NFIB: variants seen among roughly 807,000 people sequenced by gnomAD.
The protein encoded by NFIB is nuclear factor I B.
In NFIB, 11 loss-of-function variants were observed where a neutral mutation model predicts 61.5. That is an observed-to-expected ratio of 0.18 (90% CI 0.11 to 0.30). NFIB has a LOEUF of 0.30. Among genes scored for constraint, NFIB ranks in the 10% least tolerant of loss-of-function variants. NFIB has a pLI of 1.00. For synonymous variants in NFIB, 260 were observed against 216.5 expected, an observed-to-expected ratio of 1.20 and a Z score of -1.76; for missense variants, 471 against 608.9, an observed-to-expected ratio of 0.77 and a Z score of 2.38.
the NFIB span, among the ~76,000 whole-genome samples, chr9:14,410,823 A>T: frequency 6.6e-6 from 1 of 152,200 alleles, no homozygotes; most frequent in East Asian, 1.9e-4. Flanking sequence ...CAGACCACAA[A>T]TGCACACAGA....
intron 7 of NFIB, among the ~76,000 whole-genome samples, chr9:14,125,113 TA>T (rs1237507674): frequency 1.3e-5 from 2 of 151,852 alleles, no homozygotes; most frequent in African/African-American, 4.9e-5. Flanking sequence ...AAGGTAATTT[TA>T]AAACACATAT....
At chr9:14,248,108 T>A (rs1382234496) in intron 2 of NFIB, among the ~76,000 whole-genome samples, 2 of 151,512 alleles carry the variant, frequency 1.3e-5, no homozygotes, top group Non-Finnish European at 2.9e-5. Flanking sequence ...AACTTTTGAA[T>A]TTTTTTGTAG....
At chr9:14,398,907 G>T (rs945994581) in exon 1 of NFIB, 1 of 343,466 alleles carries the variant, frequency 2.9e-6, no homozygotes, top group South Asian at 5.9e-5. Context: ...CTTTTAGATC[G>T]GTGTCAGCTC....
chr9:14,100,099 A>C (rs1335269060), intron 10 of NFIB, among the ~76,000 whole-genome samples: 4 of 152,076 alleles, frequency 2.6e-5, no homozygotes, highest in African/African-American at 9.7e-5. Flanking sequence ...AACAAAAAAA[A>C]CCAAGATACC....
At chr9:14,239,098 G>C (rs1178069883) in intron 2 of NFIB, among the ~76,000 whole-genome samples, 1 of 152,170 alleles carries the variant, frequency 6.6e-6, no homozygotes, top group East Asian at 1.9e-4. Context: ...CCATTACATA[G>C]GGATTCTAAG....
chr9:14,098,647 C>T (rs1190638931), intron 10 of NFIB, among the ~76,000 whole-genome samples: 6 of 152,168 alleles, frequency 3.9e-5, no homozygotes, highest in African/African-American at 1.4e-4. Flanking sequence ...CAGTTCATCA[C>T]CTATCATCCT....
At chr9:14,204,619 A>G in intron 2 of NFIB, 1 of 744,286 alleles carries the variant, frequency 1.3e-6, no homozygotes, top group Non-Finnish European at 2.3e-6. Context: ...AAGCGCCGGC[A>G]AAGGGGACCT....
At chr9:14,502,949 C>A in the NFIB span, among the ~76,000 whole-genome samples, 1 of 151,948 alleles carries the variant, frequency 6.6e-6, no homozygotes, top group South Asian at 2.1e-4. Flanking sequence ...AGCTTAGCTC[C>A]CACTTATGAG....
intron 7 of NFIB, among the ~76,000 whole-genome samples, chr9:14,124,577 G>A (rs553353961): frequency 6.6e-6 from 1 of 152,242 alleles, no homozygotes; most frequent in East Asian, 1.9e-4. Context: ...AGAAGGATGA[G>A]GAAGTGCCTA....
chr9:14,252,749 C>A (rs1003473257), intron 2 of NFIB, among the ~76,000 whole-genome samples: 4 of 152,108 alleles, frequency 2.6e-5, no homozygotes, highest in Non-Finnish European at 5.9e-5. Flanking sequence ...GTCTTAAGAT[C>A]TACTGATGCA....
intron 4 of NFIB, among the ~76,000 whole-genome samples, chr9:14,154,679 T>C: frequency 6.6e-6 from 1 of 152,164 alleles, no homozygotes; most frequent in Non-Finnish European, 1.5e-5. Flanking sequence ...TGGGCATACA[T>C]TTATCCACTC....
chr9:14,476,381 A>G, the NFIB span, among the ~76,000 whole-genome samples: 10 of 152,042 alleles, frequency 6.6e-5, no homozygotes. Flanking sequence ...ATGATGCCCA[A>G]CTGAAGCATC....
chr9:14,221,446 CATT>C (rs1309304593), intron 2 of NFIB, among the ~76,000 whole-genome samples: 1 of 152,140 alleles, frequency 6.6e-6, no homozygotes, highest in Non-Finnish European at 1.5e-5. Flanking sequence ...TTTATATGTG[CATT>C]ATTATTAGCT....
intron 2 of NFIB, among the ~76,000 whole-genome samples, chr9:14,279,063 C>G (rs1350794660): frequency 3.3e-5 from 5 of 151,998 alleles, no homozygotes; most frequent in South Asian, 2.1e-4. Context: ...CATACACACA[C>G]AGAGAGAGAG....
intron 7 of NFIB, among the ~76,000 whole-genome samples, chr9:14,124,105 C>T (rs555942694): frequency 1.3e-5 from 2 of 152,314 alleles, no homozygotes; most frequent in South Asian, 4.1e-4. Context: ...ATGCCTAACA[C>T]AGACCCTAAT....
the NFIB span, among the ~76,000 whole-genome samples, chr9:14,495,746 C>T: frequency 6.6e-6 from 1 of 152,034 alleles, no homozygotes; most frequent in Non-Finnish European, 1.5e-5. Flanking sequence ...CAAGAAAAGC[C>T]TCTTTCTAGA....
intron 7 of NFIB, among the ~76,000 whole-genome samples, chr9:14,125,120 C>T (rs1051647417): frequency 2.0e-5 from 3 of 152,256 alleles, no homozygotes; most frequent in Admixed American, 6.5e-5. Context: ...TTTTAAAACA[C>T]ATATTATAAA....
intron 2 of NFIB, among the ~76,000 whole-genome samples, chr9:14,231,110 T>A (rs1244873312): frequency 2.4e-5 from 2 of 81,922 alleles, no homozygotes; most frequent in African/African-American, 8.9e-5. Context: ...GCCTACAGTT[T>A]TTCCATGGGG....
intron 2 of NFIB, among the ~76,000 whole-genome samples, chr9:14,210,017 T>G (rs1421844989): frequency 1.3e-5 from 2 of 152,256 alleles, no homozygotes; most frequent in African/African-American, 4.8e-5. Context: ...TTGTTTTACA[T>G]ACTTGAATTA....
Sources: allele counts gnomAD v4.1 joint callset (sites outside exome capture counted in the v4.1 genomes callset), GRCh38; gene constraint gnomAD v4.1.1; transcripts MANE v1.5; gene names NCBI Gene and HGNC (gene_info 2026-07-23, HGNC 2026-07-21).